CUL2: variants seen among roughly 807,000 people sequenced by gnomAD.
CUL2 encodes the protein cullin-2.
In CUL2, 22 loss-of-function variants were observed where a neutral mutation model predicts 110.2. The observed-to-expected ratio is 0.20, with a 90% CI of 0.14 to 0.28. The LOEUF (loss-of-function observed/expected upper bound fraction) is 0.28, where lower values mean the gene tolerates loss of function less well. Among genes scored for constraint, CUL2 ranks in the 10% least tolerant of loss-of-function variants. The pLI is 1.00. For synonymous variants in CUL2, 279 were observed against 293.2 expected (o/e 0.95, Z 0.49); for missense variants, 631 against 905.5 (o/e 0.70, Z 3.89).
intron 16 of CUL2, among the ~76,000 whole-genome samples, chr10:35,028,490 T>C (rs2085387929): frequency 6.6e-6 from 1 of 152,220 alleles, no homozygotes; most frequent in Non-Finnish European, 1.5e-5. Flanking sequence ...GTAAGTGATA[T>C]TTTAGGTGTT....
At chr10:35,076,044 A>G (rs980340333) in intron 1 of CUL2, among the ~76,000 whole-genome samples, 2 of 152,186 alleles carry the variant, frequency 1.3e-5, no homozygotes, top group African/African-American at 4.8e-5. Context: ...TCAACTGATA[A>G]ATGGTTAAAA....
At chr10:35,014,436 T>C (rs558273140) in intron 18 of CUL2, among the ~76,000 whole-genome samples, 23 of 152,350 alleles carry the variant, frequency 1.5e-4, no homozygotes, top group African/African-American at 5.5e-4. Flanking sequence ...ACTGATATCA[T>C]AGAGTGGAAT....
intron 17 of CUL2, among the ~76,000 whole-genome samples, chr10:35,019,779 G>A (rs2085137975): frequency 6.6e-6 from 1 of 152,160 alleles, no homozygotes; most frequent in African/African-American, 2.4e-5. Flanking sequence ...CAAGTTGAAG[G>A]CATGATAGGA....
upstream of CUL2, among the ~76,000 whole-genome samples, chr10:35,093,263 T>A (rs552955269): frequency 1.3e-5 from 2 of 151,666 alleles, no homozygotes; most frequent in Non-Finnish European, 2.9e-5. Flanking sequence ...TGGCCTTGGG[T>A]CAATTAAACA....
In CUL2 at chr10:35,016,466, C is replaced by T. The variant is rs963660332; in HGVS notation, c.1685-72G>A. 20 of 1,201,680 alleles carry T rather than the reference C, an allele frequency of 1.7e-5. No individual in the cohort carries two copies. The Admixed American group carries it at 2.4e-4, about 14-fold the overall frequency. 74.4% of individuals were successfully genotyped at this position (1,201,680 alleles called of 1,614,324 possible). A position where few individuals can be genotyped will look rare whatever the true frequency, so the allele number is the denominator to read the frequency against. On this transcript the variant is annotated intron_variant, in intron 17 of 20. Coordinates refer to ENST00000374749, the MANE Select transcript of CUL2 (RefSeq NM_003591.4). Reference sequence around the variant, plus strand: ...CATTTCAAATTTACTTTATTTCAGACATTTTCTTCGGAAAGAGTGAACCAA... The same window carrying T: ...CATTTCAAATTTACTTTATTTCAGATATTTTCTTCGGAAAGAGTGAACCAA...
chr10:35,040,220 G>A (rs1292233830), intron 8 of CUL2, among the ~76,000 whole-genome samples: 1 of 152,146 alleles, frequency 6.6e-6, no homozygotes, highest in Non-Finnish European at 1.5e-5. Flanking sequence ...AGTCAAGTAT[G>A]TCAATCAAGA....
intron 1 of CUL2, chr10:35,089,872 G>A (rs2087162481): frequency 6.6e-6 from 1 of 152,114 alleles, no homozygotes; most frequent in African/African-American, 2.4e-5. Context: ...ACGTAAATAT[G>A]TAGAAGAATA....
chr10:35,047,480 C>T (rs1241553624), intron 6 of CUL2, among the ~76,000 whole-genome samples: 2 of 151,116 alleles, frequency 1.3e-5, no homozygotes, highest in African/African-American at 2.4e-5. Context: ...TGTGGTGGTG[C>T]GCGTCTGTAG....
In CUL2 at chr10:35,033,266, G is replaced by A; in HGVS notation, c.1010C>T (p.Thr337Ile). ...TTCCAAAACTGACTCCACAAATAGT[G>A]TTGGCATCTAAAAATGAAATATAAG... The part of the protein sequence containing the change: ...TSNLTQENMP[T>I]LFVESVLEVH... The change falls in exon 11 of 21, where the codon ACA (threonine) becomes ATA (isoleucine). Residue 337 changes from threonine (T) to isoleucine (I), a missense_variant. Thr to Ile is a moderately conservative substitution (Grantham distance 89). This residue lies in a region of CUL2 where 338 missense variants were observed against 442.5 expected (regional missense o/e 0.76). Coordinates refer to ENST00000374749, the MANE Select transcript of CUL2 (RefSeq NM_003591.4). 1 of 1,609,376 alleles carries A rather than the reference G, an allele frequency of 6.2e-7. No homozygotes were observed. Among genetic ancestry groups the A allele is most frequent in the Non-Finnish European group, 8.5e-7 (1 of 1,175,958 alleles).
At chr10:35,022,258 G>C (rs957086595) in intron 17 of CUL2, among the ~76,000 whole-genome samples, 1 of 152,182 alleles carries the variant, frequency 6.6e-6, no homozygotes, top group African/African-American at 2.4e-5. Context: ...ATTTGCTTAA[G>C]ATTACACAGC....
intron 1 of CUL2, among the ~76,000 whole-genome samples, chr10:35,108,477 G>GA (rs1290492992): frequency 6.0e-5 from 9 of 150,326 alleles, no homozygotes; most frequent in Non-Finnish European, 1.2e-4. Flanking sequence ...AGGAAAAAAA[G>GA]AAAAAAAACA....
chr10:35,028,337 G>A (rs11010074), intron 16 of CUL2, among the ~76,000 whole-genome samples: 4,522 of 152,216 alleles, frequency 0.03, 222 homozygotes, highest in African/African-American at 0.1. Context: ...TTATTACCAC[G>A]AAACTAATAA....
chr10:35,045,210 A>G (rs1443126069), intron 6 of CUL2, among the ~76,000 whole-genome samples: 1 of 152,228 alleles, frequency 6.6e-6, no homozygotes, highest in African/African-American at 2.4e-5. Flanking sequence ...GCGGTTAAGA[A>G]TGCTTGATTT....
intron 17 of CUL2, among the ~76,000 whole-genome samples, chr10:35,023,810 T>C (rs1205013585): frequency 6.6e-6 from 1 of 152,108 alleles, no homozygotes; most frequent in Non-Finnish European, 1.5e-5. Context: ...TTAAAATCAA[T>C]TATGTTTACT....
chr10:35,060,988 AT>A lies in CUL2; in HGVS notation c.223-21del, dbSNP rs1232430138. 6.3e-7 allele frequency: 1 copy of A among 1,591,288 alleles called. No homozygotes were observed. The highest frequency in any genetic ancestry group is 8.5e-7 in the Non-Finnish European group (1 of 1,171,594). On this transcript the variant is annotated intron_variant, in intron 3 of 20. Transcript: ENST00000374749. ...AACTCTCTATATAAAGAGGAAAAAT[AT>A]TTTTACTTGAAAAGCAATAATCATT... is the stretch of plus-strand genomic sequence containing the variant.
At chr10:35,121,214 A>G (rs1306734557) in intron 1 of CUL2, among the ~76,000 whole-genome samples, 4 of 152,166 alleles carry the variant, frequency 2.6e-5, no homozygotes, top group Non-Finnish European at 5.9e-5. Context: ...TTCTGGCCGG[A>G]AGATAGGCTT....
intron 9 of CUL2, among the ~76,000 whole-genome samples, chr10:35,036,588 G>T (rs1233739819): frequency 2.0e-5 from 3 of 152,124 alleles, no homozygotes; most frequent in Non-Finnish European, 4.4e-5. Flanking sequence ...ACAAGTTCCT[G>T]CTACTTCACA....
chr10:35,048,421 T>C (rs550117890), intron 6 of CUL2, among the ~76,000 whole-genome samples: 1 of 152,300 alleles, frequency 6.6e-6, no homozygotes, highest in African/African-American at 2.4e-5. Flanking sequence ...AAACTAACAA[T>C]CACACTAAAA....
chr10:35,123,085 C>T (rs1342990733), intron 1 of CUL2, among the ~76,000 whole-genome samples: 1 of 152,144 alleles, frequency 6.6e-6, no homozygotes, highest in Non-Finnish European at 1.5e-5. Flanking sequence ...CTGCAGTGAG[C>T]TGTGACGGCA....
Sources: allele counts gnomAD v4.1 joint callset (sites outside exome capture counted in the v4.1 genomes callset), GRCh38; gene constraint gnomAD v4.1.1; regional missense constraint gnomAD v4.1.1; transcripts MANE v1.5; gene names NCBI Gene and HGNC (gene_info 2026-07-23, HGNC 2026-07-21).